Variants in KLHL1 observed in about 807,000 individuals in gnomAD.
The protein encoded by KLHL1 is kelch-like protein 1.
KLHL1 carries 47 observed loss-of-function variants against 77.7 expected under a neutral mutation model. The observed-to-expected ratio is 0.60, with a 90% CI of 0.48 to 0.77. The LOEUF (loss-of-function observed/expected upper bound fraction) is 0.77, where lower values mean the gene tolerates loss of function less well. KLHL1 is among the 30% of genes least tolerant of loss of function. The pLI is 0.00. For synonymous variants in KLHL1, 360 were observed against 325.2 expected, an observed-to-expected ratio of 1.11 and a Z score of -1.15; for missense variants, 925 against 910.8, an observed-to-expected ratio of 1.02 and a Z score of -0.20.
At chr13:69,969,291 G>A (rs1458923460) in intron 2 of KLHL1, among the ~76,000 whole-genome samples, 1 of 151,954 alleles carries the variant, frequency 6.6e-6, no homozygotes, top group Admixed American at 6.6e-5. Context: ...CATATTTAAA[G>A]TTCTCACTTT....
intron 2 of KLHL1, among the ~76,000 whole-genome samples, chr13:69,965,712 AG>A (rs1302311171): frequency 1.3e-5 from 2 of 152,186 alleles, no homozygotes; most frequent in African/African-American, 4.8e-5. Flanking sequence ...CAAAGGAAAA[AG>A]TCTTGAAGTA....
At chr13:70,060,524 AACAG>A (rs1431975309) in intron 1 of KLHL1, among the ~76,000 whole-genome samples, 5 of 137,046 alleles carry the variant, frequency 3.6e-5, no homozygotes, top group African/African-American at 8.0e-5. Flanking sequence ...CCTATTTGTT[AACAG>A]ACAAATAGAC....
At chr13:70,064,110 A>G (rs1235888714) in intron 1 of KLHL1, among the ~76,000 whole-genome samples, 1 of 152,176 alleles carries the variant, frequency 6.6e-6, no homozygotes, top group Non-Finnish European at 1.5e-5. Context: ...GAACAAATCA[A>G]TAATTGTCTA....
At chr13:69,843,255 T>C (rs1879335610) in intron 5 of KLHL1, among the ~76,000 whole-genome samples, 1 of 151,656 alleles carries the variant, frequency 6.6e-6, no homozygotes. Context: ...CATAAATTTG[T>C]ACAAATAAGC....
At chr13:69,992,264 C>A (rs528536288) in intron 1 of KLHL1, among the ~76,000 whole-genome samples, 1 of 152,076 alleles carries the variant, frequency 6.6e-6, no homozygotes, top group African/African-American at 2.4e-5. Flanking sequence ...ACTCTCAGGG[C>A]TGATATTCTA....
intron 7 of KLHL1, among the ~76,000 whole-genome samples, chr13:69,763,710 A>AAG (rs1875130712): frequency 6.6e-6 from 1 of 152,246 alleles, no homozygotes; most frequent in African/African-American, 2.4e-5. Flanking sequence ...AAATGATGGG[A>AAG]AGCCAATGTT....
intron 7 of KLHL1, among the ~76,000 whole-genome samples, chr13:69,759,542 A>G (rs1874920666): frequency 6.6e-6 from 1 of 152,198 alleles, no homozygotes; most frequent in South Asian, 2.1e-4. Flanking sequence ...TATTACATAT[A>G]CATAACATAA....
Position 70,044,180 on chromosome 13 carries a change from G to A in KLHL1, c.497+63023C>T, listed in dbSNP as rs547495200. Reference sequence around the variant, plus strand: ...ACTTCTCACAGCCCAGTTCATACTGGCCTTTTGGAGTCTGTTTGTATTTTT... The same window carrying A: ...ACTTCTCACAGCCCAGTTCATACTGACCTTTTGGAGTCTGTTTGTATTTTT... On this transcript the variant is annotated intron_variant, in intron 1 of 10. Transcript: ENST00000377844. Among the ~76,000 whole-genome samples, 304 of 152,062 alleles carry A rather than the reference G, an allele frequency of 2.0e-3. 2 individuals are homozygous for A. The highest frequency in any genetic ancestry group is 7.0e-3 in the African/African-American group (289 of 41,486).
intron 7 of KLHL1, among the ~76,000 whole-genome samples, chr13:69,753,380 C>G (rs1874570343): frequency 6.6e-6 from 1 of 152,164 alleles, no homozygotes; most frequent in Non-Finnish European, 1.5e-5. Flanking sequence ...ATCATTAGAA[C>G]TGAACTTTCA....
chr13:69,782,009 G>C (rs1219240476), intron 7 of KLHL1, among the ~76,000 whole-genome samples: 1 of 152,102 alleles, frequency 6.6e-6, no homozygotes, highest in Non-Finnish European at 1.5e-5. Flanking sequence ...AATTTGAAGA[G>C]ACATTTCTTA....
rs576301526 is a variant in KLHL1, at chr13:69,958,670, A to G, written c.817+2638T>C. On this transcript the variant is annotated intron_variant, in intron 3 of 10. Coordinates refer to ENST00000377844, the MANE Select transcript of KLHL1 (RefSeq NM_020866.3). ...TAAACACATTGCTTCTACAGCTAAT[A>G]ATTAACTATCAATCATTGACATAGT... 6.6e-4 allele frequency among the ~76,000 whole-genome samples: 100 copies of G among 151,976 alleles called. 1 individual carries two copies. Among genetic ancestry groups the G allele is most frequent in the African/African-American group, 2.3e-3 (97 of 41,514 alleles).
At chr13:70,032,487 G>A (rs1886127937) in intron 1 of KLHL1, among the ~76,000 whole-genome samples, 1 of 152,052 alleles carries the variant, frequency 6.6e-6, no homozygotes, top group Non-Finnish European at 1.5e-5. Context: ...AAAGAAACAA[G>A]TATAATACCA....
chr13:69,969,383 A>T (rs1307667857), intron 2 of KLHL1, among the ~76,000 whole-genome samples: 1 of 152,138 alleles, frequency 6.6e-6, no homozygotes, highest in Admixed American at 6.6e-5. Context: ...ATTAAGACAC[A>T]GTTATCCTCA....
chr13:70,059,641 C>A (rs1886829179), intron 1 of KLHL1, among the ~76,000 whole-genome samples: 1 of 152,102 alleles, frequency 6.6e-6, no homozygotes, highest in Non-Finnish European at 1.5e-5. Flanking sequence ...CATATTAGTC[C>A]ATTCTCTCAT....
At chr13:69,855,748 CCT>C (rs1177061335) in intron 5 of KLHL1, among the ~76,000 whole-genome samples, 1 of 150,854 alleles carries the variant, frequency 6.6e-6, no homozygotes, top group African/African-American at 2.4e-5. Context: ...GTCAATTAAA[CCT>C]CTTTCCTTTA....
chr13:69,946,894 C>T (rs1478762980), intron 3 of KLHL1, among the ~76,000 whole-genome samples: 9 of 151,944 alleles, frequency 5.9e-5, no homozygotes, highest in African/African-American at 2.2e-4. Flanking sequence ...TAGGTTGGTA[C>T]AAAAGTAATT....
chr13:70,066,738 G>A (rs1887015361), intron 1 of KLHL1, among the ~76,000 whole-genome samples: 1 of 152,102 alleles, frequency 6.6e-6, no homozygotes, highest in South Asian at 2.1e-4. Flanking sequence ...ATTATAACGG[G>A]TAATTTGCCT....
At chr13:69,989,991 C>T (rs1884983749) in intron 1 of KLHL1, among the ~76,000 whole-genome samples, 1 of 151,786 alleles carries the variant, frequency 6.6e-6, no homozygotes, top group African/African-American at 2.4e-5. Flanking sequence ...AGCAGAAACC[C>T]TACAAGCCAG....
chr13:70,037,058 A>G (rs1270702109), intron 1 of KLHL1, among the ~76,000 whole-genome samples: 4 of 151,928 alleles, frequency 2.6e-5, no homozygotes, highest in Non-Finnish European at 4.4e-5. Context: ...AAATTTGAGT[A>G]TAACCTTAGG....
Sources: allele counts gnomAD v4.1 joint callset (sites outside exome capture counted in the v4.1 genomes callset), GRCh38; gene constraint gnomAD v4.1.1; transcripts MANE v1.5; gene names NCBI Gene and HGNC (gene_info 2026-07-23, HGNC 2026-07-21).